The following FYB2 variants were observed in gnomAD, a reference collection of about 807,000 sequenced individuals.
The protein encoded by FYB2 is FYN binding protein 2, also known as FYN-binding protein 2.
FYB2 carries 103 observed loss-of-function variants against 94.1 expected under a neutral mutation model. The ratio of observed to expected loss-of-function variants is 1.09; its 90% CI spans 0.93 to 1.29. The LOEUF (loss-of-function observed/expected upper bound fraction) is 1.29, where lower values mean the gene tolerates loss of function less well. Ranked by LOEUF, FYB2 falls within the 50% of genes most tolerant of loss-of-function variation. The probability of loss-of-function intolerance (pLI) is 0.00; values close to 1 mark genes in which losing one functional copy is unlikely to be tolerated. For missense variants in FYB2, 896 were observed against 841.5 expected, an observed-to-expected ratio of 1.06 and a Z score of -0.80; for synonymous variants, 293 against 287.9, an observed-to-expected ratio of 1.02 and a Z score of -0.18.
chr1:56,763,617 T>C (rs1645552391), intron 5 of FYB2, among the ~76,000 whole-genome samples: 1 of 152,186 alleles, frequency 6.6e-6, no homozygotes. Flanking sequence ...AGTCTTAATA[T>C]TATATCTTTT....
At chr1:56,793,356 G>C (rs1262682597) in intron 1 of FYB2, among the ~76,000 whole-genome samples, 1 of 152,130 alleles carries the variant, frequency 6.6e-6, no homozygotes, top group Non-Finnish European at 1.5e-5. Context: ...ATCCCCATCA[G>C]CTTGTCAACA....
intron 15 of FYB2, among the ~76,000 whole-genome samples, chr1:56,731,287 G>A (rs920536158): frequency 6.6e-6 from 1 of 152,060 alleles, no homozygotes; most frequent in African/African-American, 2.4e-5. Context: ...ACTCAATAGC[G>A]TGGACAAGTT....
chr1:56,789,413 T>TC (rs1646210042), intron 2 of FYB2, among the ~76,000 whole-genome samples: 1 of 152,102 alleles, frequency 6.6e-6, no homozygotes, highest in South Asian at 2.1e-4. Flanking sequence ...ATGTCTTGCT[T>TC]CCCCCCACTT....
At chr1:56,813,747 G>A (rs1202309040) in intron 1 of FYB2, among the ~76,000 whole-genome samples, 1 of 152,196 alleles carries the variant, frequency 6.6e-6, no homozygotes, top group Non-Finnish European at 1.5e-5. Context: ...AGTTCATGGA[G>A]CTGTTCTAAG....
At chr1:56,787,324 G>A (rs1646155188) in intron 3 of FYB2, 116 bp from the exon 4 acceptor site, 1 of 1,314,644 alleles carries the variant, frequency 7.6e-7, no homozygotes, top group Non-Finnish European at 1.1e-6. Context: ...AAGCTTGCCT[G>A]TGCCTGAAAC....
chr1:56,808,373 T>C (rs1453744897), intron 1 of FYB2, among the ~76,000 whole-genome samples: 3 of 152,204 alleles, frequency 2.0e-5, no homozygotes, highest in Non-Finnish European at 2.9e-5. Flanking sequence ...AAAGACCCTT[T>C]ATCTGGGACA....
the FYB2 span, chr1:56,825,157 A>G: frequency 2.0e-5 from 3 of 152,348 alleles, no homozygotes; most frequent in East Asian, 5.8e-4. Context: ...CTATATAAAC[A>G]TTTGTAGAAT....
intron 5 of FYB2, among the ~76,000 whole-genome samples, chr1:56,767,176 G>A (rs1166147418): frequency 1.3e-5 from 2 of 152,200 alleles, no homozygotes; most frequent in South Asian, 2.1e-4. Context: ...ACTAAAATGT[G>A]TGCCTTTTAT....
At chr1:56,752,196 G>A (rs146365468) in intron 8 of FYB2, among the ~76,000 whole-genome samples, 2 of 152,020 alleles carry the variant, frequency 1.3e-5, no homozygotes, top group African/African-American at 4.8e-5. Context: ...GTTATGAAGG[G>A]TCTTGCATGC....
intron 1 of FYB2, among the ~76,000 whole-genome samples, chr1:56,793,664 C>T (rs1042911256): frequency 6.7e-6 from 1 of 148,338 alleles, no homozygotes; most frequent in Non-Finnish European, 1.5e-5. Flanking sequence ...CATTCATACA[C>T]TAAACCTCAG....
At chr1:56,750,859 C>T (rs903594680) in intron 9 of FYB2, among the ~76,000 whole-genome samples, 185 bp downstream of exon 9, 14 of 152,032 alleles carry the variant, frequency 9.2e-5, no homozygotes, top group African/African-American at 3.1e-4. Context: ...TAGGTTTGAA[C>T]TCAAGACTTC....
intron 16 of FYB2, among the ~76,000 whole-genome samples, chr1:56,724,114 T>A (rs1644540947): frequency 6.6e-6 from 1 of 151,934 alleles, no homozygotes; most frequent in Non-Finnish European, 1.5e-5. Context: ...ACCTTCAGAC[T>A]ATTTAATGGA....
intron 1 of FYB2, among the ~76,000 whole-genome samples, chr1:56,805,603 C>T (rs1646627052): frequency 6.6e-6 from 1 of 152,128 alleles, no homozygotes; most frequent in Non-Finnish European, 1.5e-5. Context: ...AGCCCTGACA[C>T]CAAAGCCTGT....
intron 7 of FYB2, 86 bp from the exon 8 acceptor site, chr1:56,754,021 G>T: frequency 1.3e-6 from 1 of 795,992 alleles, no homozygotes; most frequent in Non-Finnish European, 2.1e-6. Flanking sequence ...TGAAATGAAT[G>T]GGAAAAATAG....
intron 4 of FYB2, among the ~76,000 whole-genome samples, chr1:56,771,404 T>C (rs1168756346): frequency 6.6e-6 from 1 of 152,166 alleles, no homozygotes; most frequent in Non-Finnish European, 1.5e-5. Flanking sequence ...TTAAAAACTA[T>C]ATCCTTAACA....
rs768816133 is a variant in FYB2 at position 56,792,345 on chromosome 1, G to T, written c.468C>A (p.Ala156=). The change falls in exon 2 of 20, where the codon GCC becomes GCA. Residue 156 remains alanine, a synonymous_variant. Transcript: ENST00000343433. ...VSSQKSEMSS[A]LLLANYGSKA... ...TACTTCCATAGTTGGCAAGGAGAAG[G>T]GCTGAAGACATTTCACTTTTCTGAG... 3.0e-5 allele frequency: 48 copies of T among 1,613,966 alleles called. No individual in the cohort carries two copies. The highest frequency in any genetic ancestry group is 5.1e-6 in the Non-Finnish European group (6 of 1,180,028).
chr1:56,740,471 C>A lies in FYB2; in HGVS notation c.1703+226G>T, dbSNP rs72907390. Among the ~76,000 whole-genome samples the A allele has an allele frequency of 5.7e-3, 862 of 152,164 alleles. 11 individuals are homozygous for A. Among genetic ancestry groups the A allele is most frequent in the African/African-American group, 0.018 (745 of 41,538 alleles). ...ATTTTCCCTCTACCCTTATTTTCAA[C>A]CCTTTCTCTGCCATTTTTTCAAAGG... is the stretch of plus-strand genomic sequence containing the variant. On this transcript the variant is annotated intron_variant, in intron 13 of 19. Coordinates refer to ENST00000343433, the MANE Select transcript of FYB2 (RefSeq NM_001004303.5).
intron 6 of FYB2, among the ~76,000 whole-genome samples, chr1:56,757,179 T>C (rs1315651657): frequency 1.3e-5 from 2 of 152,168 alleles, no homozygotes; most frequent in Admixed American, 1.3e-4. Context: ...GGGATAAAAT[T>C]CATTTACTTG....
chr1:56,791,381 G>A (rs957653956), intron 2 of FYB2, among the ~76,000 whole-genome samples: 2 of 151,616 alleles, frequency 1.3e-5, no homozygotes, highest in South Asian at 2.1e-4. Flanking sequence ...TCAGCTTCCC[G>A]AGTAGCTGGG....
Sources: gnomAD v4.1 joint callset for allele counts (sites outside exome capture counted in the v4.1 genomes callset) on GRCh38, gnomAD v4.1.1 for gene constraint, MANE v1.5 for transcripts, NCBI Gene and HGNC (gene_info 2026-07-23, HGNC 2026-07-21) for gene names.